Variants in CHN2 observed in about 807,000 individuals in gnomAD.
CHN2 encodes the protein chimerin 2.
A neutral mutation model predicts 56.3 loss-of-function variants in CHN2; 35 were observed. The observed-to-expected ratio is 0.62, with a 90% CI of 0.47 to 0.82. The LOEUF is 0.82. Ranked by LOEUF, CHN2 falls within the 40% of genes least tolerant of loss-of-function variation. The pLI is 0.00. For missense variants in CHN2, 491 were observed against 580.5 expected, an observed-to-expected ratio of 0.85 and a Z score of 1.58; for synonymous variants, 210 against 212.8, an observed-to-expected ratio of 0.99 and a Z score of 0.12.
intron 6 of CHN2, among the ~76,000 whole-genome samples, chr7:29,439,972 A>T (rs140804417): frequency 3.0e-4 from 45 of 152,362 alleles, no homozygotes; most frequent in African/African-American, 9.9e-4. Flanking sequence ...TAGTAAGAGA[A>T]GGAGCTGGGA....
chr7:29,187,966 C>G (rs962013134), intron 2 of CHN2, among the ~76,000 whole-genome samples: 39 of 152,320 alleles, frequency 2.6e-4, no homozygotes, highest in African/African-American at 8.7e-4. Context: ...ACCAAAGTAT[C>G]TGTAGCTAAA....
At chr7:29,392,247 A>C (rs1009336727) in intron 3 of CHN2, among the ~76,000 whole-genome samples, 15 of 152,202 alleles carry the variant, frequency 9.9e-5, no homozygotes, top group African/African-American at 3.4e-4. Flanking sequence ...TAATATTATA[A>C]AACTAAAAAA....
intron 1 of CHN2, among the ~76,000 whole-genome samples, chr7:29,278,999 C>T (rs1220011146): frequency 2.0e-5 from 3 of 152,072 alleles, no homozygotes. Flanking sequence ...CCAGCTGTCC[C>T]CCCCCAACCC....
At chr7:29,403,173 C>G (rs1218960196) in intron 6 of CHN2, among the ~76,000 whole-genome samples, 2 of 152,124 alleles carry the variant, frequency 1.3e-5, no homozygotes, top group African/African-American at 4.8e-5. Flanking sequence ...ATCCGTTTCT[C>G]TCTGACCTAT....
chr7:29,427,916 A>G lies in CHN2; in HGVS notation c.576+27088A>G, dbSNP rs1044186290. Among the ~76,000 whole-genome samples the G allele has an allele frequency of 2.0e-5, 3 of 152,014 alleles. No individual in the cohort carries two copies. In the East Asian group the frequency reaches 5.8e-4, roughly 29 times the overall value. On this transcript the variant is annotated intron_variant, in intron 6 of 12. Coordinates refer to ENST00000222792, the MANE Select transcript of CHN2 (RefSeq NM_004067.4). ...ATGATCCACCCGCCTCAGCCTCCCA[A>G]AGTGCTGGGATTATAGGTTTGAACC...
chr7:29,273,375 A>ATG (rs1790895576), intron 1 of CHN2, among the ~76,000 whole-genome samples: 1 of 50,826 alleles, frequency 2.0e-5, no homozygotes, highest in Non-Finnish European at 3.5e-5. Flanking sequence ...ATATATATAT[A>ATG]TATATATATA....
At chr7:29,358,611 C>T (rs368077451) in intron 2 of CHN2, among the ~76,000 whole-genome samples, 102 of 152,126 alleles carry the variant, frequency 6.7e-4, no homozygotes, top group African/African-American at 2.0e-3. Context: ...TACAGGCACC[C>T]GCCACTGCGC....
At chr7:29,243,275 T>C (rs899645506) in intron 1 of CHN2, among the ~76,000 whole-genome samples, 4 of 152,234 alleles carry the variant, frequency 2.6e-5, no homozygotes, top group African/African-American at 9.6e-5. Context: ...GTCTCATTTT[T>C]CATAGAACAA....
chr7:29,195,621 A>AGTGT (rs1439305489), intron 1 of CHN2, among the ~76,000 whole-genome samples: 8 of 127,424 alleles, frequency 6.3e-5, no homozygotes, highest in African/African-American at 2.8e-4. Context: ...AGAGAGAGAG[A>AGTGT]GAGAGAGAGT....
At chr7:29,371,839 A>G (rs1189099416) in intron 3 of CHN2, among the ~76,000 whole-genome samples, 4 of 151,986 alleles carry the variant, frequency 2.6e-5, no homozygotes, top group Non-Finnish European at 5.9e-5. Flanking sequence ...CTCCAAATAT[A>G]TCTCGCATTG....
chr7:29,452,593 C>A (rs541670567), intron 6 of CHN2, among the ~76,000 whole-genome samples: 2 of 152,210 alleles, frequency 1.3e-5, no homozygotes, highest in Admixed American at 6.5e-5. Flanking sequence ...GAAACCTACC[C>A]CATTGACTTG....
At chr7:29,197,979 G>A (rs994355979) in intron 1 of CHN2, 11 of 456,210 alleles carry the variant, frequency 2.4e-5, no homozygotes, top group African/African-American at 1.8e-4. Flanking sequence ...AAGGCCTGGA[G>A]ATGGGTAAGT....
chr7:29,377,696 C>T (rs1186295824), intron 3 of CHN2, among the ~76,000 whole-genome samples: 1 of 152,246 alleles, frequency 6.6e-6, no homozygotes, highest in Non-Finnish European at 1.5e-5. Flanking sequence ...ACTCGCCTGG[C>T]ATCTGGCTGA....
At position 29,324,605 on chromosome 7, in the gene CHN2, C is replaced by CT. The variant is rs67912096; in HGVS notation, c.50-30005dup. On this transcript the variant is annotated intron_variant, in intron 1 of 12. Coordinates refer to ENST00000222792, the MANE Select transcript of CHN2 (RefSeq NM_004067.4). Reference sequence around the variant, plus strand: ...TCGTGTCTTCTAACATCAGCTGTGACTTTTTTTTTTTTTTTAATTTTTGAC... The same window carrying CT: ...TCGTGTCTTCTAACATCAGCTGTGACTTTTTTTTTTTTTTTTAATTTTTGAC... 3.3e-3 allele frequency among the ~76,000 whole-genome samples: 474 copies of CT among 144,314 alleles called. 1 individual carries two copies. The highest frequency in any genetic ancestry group is 7.7e-3 in the African/African-American group (301 of 39,036). The allele number at this position is 144,314 out of a possible 152,430, so 94.7% of individuals were successfully genotyped here.
At chr7:29,264,776 C>G (rs962874338) in intron 1 of CHN2, among the ~76,000 whole-genome samples, 1 of 151,494 alleles carries the variant, frequency 6.6e-6, no homozygotes, top group Non-Finnish European at 1.5e-5. Flanking sequence ...GCCAAGTCCC[C>G]CTCTCCGAGA....
intron 2 of CHN2, among the ~76,000 whole-genome samples, chr7:29,182,417 G>A (rs1042646196): frequency 1.8e-4 from 27 of 152,186 alleles, no homozygotes; most frequent in Non-Finnish European, 3.5e-4. Flanking sequence ...AGCAGAATAG[G>A]GCTATGGGGA....
At chr7:29,373,404 A>G (rs935101947) in intron 3 of CHN2, among the ~76,000 whole-genome samples, 2 of 150,686 alleles carry the variant, frequency 1.3e-5, no homozygotes, top group Non-Finnish European at 3.0e-5. Flanking sequence ...TGAATTCCCA[A>G]CCTCAGGTGA....
At chr7:29,366,096 A>G (rs1799134970) in intron 2 of CHN2, among the ~76,000 whole-genome samples, 1 of 152,170 alleles carries the variant, frequency 6.6e-6, no homozygotes, top group Non-Finnish European at 1.5e-5. Flanking sequence ...GATTTGGAGG[A>G]AAAGATCCTG....
chr7:29,173,992 T>C (rs1479926262), intron 2 of CHN2, among the ~76,000 whole-genome samples: 1 of 151,700 alleles, frequency 6.6e-6, no homozygotes, highest in Non-Finnish European at 1.5e-5. Context: ...TATGCACTCA[T>C]ATCTCATATT....
Sources: allele counts gnomAD v4.1 joint callset (sites outside exome capture counted in the v4.1 genomes callset), GRCh38; gene constraint gnomAD v4.1.1; transcripts MANE v1.5; gene names NCBI Gene and HGNC (gene_info 2026-07-23, HGNC 2026-07-21).